GABBR1: variants seen among roughly 807,000 people sequenced by gnomAD.
The protein encoded by GABBR1 is GABA-B receptor, R1 subunit.
A neutral mutation model predicts 117.7 loss-of-function variants in GABBR1; 35 were observed. The ratio of observed to expected loss-of-function variants is 0.30; its 90% CI spans 0.23 to 0.39. The LOEUF is 0.39. Ranked by LOEUF, GABBR1 falls within the 10% of genes least tolerant of loss-of-function variation. The pLI, the probability that GABBR1 is intolerant of heterozygous loss-of-function variation, is 1.00. For missense variants in GABBR1, 709 were observed against 1,241.8 expected, an observed-to-expected ratio of 0.57 and a Z score of 6.45; for synonymous variants, 442 against 486.6, an observed-to-expected ratio of 0.91 and a Z score of 1.21.
chr6:29,605,697 C>G lies in GABBR1; in HGVS notation c.2312-1G>C. 1 of 1,612,072 alleles carries G rather than the reference C, an allele frequency of 6.2e-7. No individual in the cohort carries two copies. The highest frequency in any genetic ancestry group is 8.5e-7 in the Non-Finnish European group (1 of 1,179,932). ...AGCCCCTTGTAACCATAGAAAATGC[C>G]TAGGATGGCAGGAGAGAGTCACTTG... On this transcript the variant is annotated splice_acceptor_variant, in intron 19 of 22. Transcript: ENST00000377034. LOFTEE classifies it high-confidence loss of function. This position sits in a 1 kb window ranked among gnomAD's most constrained non-coding sequence, Gnocchi z 4.2.
At position 29,609,235 on chromosome 6, in the gene GABBR1, T is replaced by C. The variant is rs1487133433; in HGVS notation, c.1853A>G (p.His618Arg). 1.2e-6 allele frequency: 2 copies of C among 1,612,706 alleles called. No homozygotes were observed. The highest frequency in any genetic ancestry group is 1.3e-5 in the African/African-American group (1 of 74,848). The change falls in exon 15 of 23, where the codon CAT (histidine) becomes CGT (arginine). Residue 618 changes from histidine (H) to arginine (R), a missense_variant. His to Arg is a conservative substitution (Grantham distance 29). Transcript: ENST00000377034. This position sits in a 1 kb window ranked among gnomAD's most constrained non-coding sequence, Gnocchi z 4.3. ...VCLSFNIYNS[H>R]VRYIQNSQPN... ...CGTCAGAAGAGAAACTTACCGGACA[T>C]GTGAGTTGTAGATGTTAAAGGACAG...
chr6:29,603,798 C>A, intron 22 of GABBR1, 82 bp from the exon 23 acceptor site: 1 of 1,104,968 alleles, frequency 9.1e-7, no homozygotes, highest in Non-Finnish European at 1.2e-6. Context: ...AGGAAGGGCA[C>A]AGGGAAAGAG....
chr6:29,606,944 T>C lies in GABBR1; in HGVS notation c.2170A>G (p.Thr724Ala). ...TCCACGATCTGCCAGATGGCGAGAG[T>C]GAGGACATCCATGCCCACCAGCAGG... Reference protein sequence around the residue: ...VGLLVGMDVLTLAIWQIVDPL... With the variant: ...VGLLVGMDVLALAIWQIVDPL... Residue 724 changes from threonine to alanine, a missense_variant, in exon 18 of 23, where the codon ACT becomes GCT. Physicochemically the swap from Thr to Ala is moderately conservative, Grantham distance 58 (BLOSUM62 0). This residue lies in a region of GABBR1 where 251 missense variants were observed against 445.3 expected (regional missense o/e 0.56). Transcript: ENST00000377034. This position sits in a 1 kb window ranked among gnomAD's most constrained non-coding sequence, Gnocchi z 4.5. 3 of 1,614,000 alleles carry C rather than the reference T, an allele frequency of 1.9e-6. No individual in the cohort carries two copies. The South Asian group carries it at 3.3e-5, about 18-fold the overall frequency.
Position 29,606,406 on chromosome 6 carries a change from T to C in GABBR1, c.2296A>G (p.Met766Val), listed in dbSNP as rs754443661. The C allele has an allele frequency of 6.2e-7, 1 of 1,612,208 alleles. No homozygotes were observed. Among genetic ancestry groups the C allele is most frequent in the African/African-American group, 1.3e-5 (1 of 75,010 alleles). Residue 766 changes from methionine (M) to valine (V), a missense_variant, in exon 19 of 23, where the codon ATG becomes GTG. Around this residue, in one of 9 missense-constraint regions of GABBR1, gnomAD observed 251 missense variants for 445.3 expected, o/e 0.56. Transcript: ENST00000377034. This position sits in a 1 kb window ranked among gnomAD's most constrained non-coding sequence, Gnocchi z 4.5. ...PQLEHCSSRK[M>V]NTWLGIFYGY... ...TCCCACACACCAAGCCATGTATTCA[T>C]CTTCCTGGAGCTGCAATGCTCCAGC... is the stretch of plus-strand genomic sequence containing the variant.
At chr6:29,612,023 A>T (rs1056492581) in intron 13 of GABBR1, among the ~76,000 whole-genome samples, 4 of 152,126 alleles carry the variant, frequency 2.6e-5, no homozygotes, top group Non-Finnish European at 5.9e-5. Flanking sequence ...TTTCTTTGAG[A>T]CAGAGTCTTA....
At position 29,632,240 on chromosome 6, in the gene GABBR1, G is replaced by C. The variant is rs1765063190; in HGVS notation, c.85+61C>G. On this transcript the variant is annotated intron_variant, in intron 2 of 22. Transcript: ENST00000377034. The surrounding 1 kb of genome is among the most constrained non-coding windows in gnomAD (Gnocchi z 5.8). ...GATAGTGATGAGGACCAGAAATGAG[G>C]AGATGCAGGGAAAGGGAAGTGGAGC... The C allele has an allele frequency of 1.0e-6, 1 of 975,528 alleles. No homozygotes were observed. The highest frequency in any genetic ancestry group is 1.4e-6 in the Non-Finnish European group (1 of 697,192). 60.4% of individuals were successfully genotyped at this position (975,528 alleles called of 1,614,324 possible). A position where few individuals can be genotyped will look rare whatever the true frequency, so the allele number is the denominator to read the frequency against.
Position 29,605,803 on chromosome 6 carries a change from CT to C in GABBR1, c.2312-108del. ...CCTACTCTGAAATGGAAAGGGGGCC[CT>C]CCTCTCCAATCCAACCCCTCTGACC... On this transcript the variant is annotated intron_variant, in intron 19 of 22. Coordinates refer to ENST00000377034, the MANE Select transcript of GABBR1 (RefSeq NM_001470.4). The surrounding 1 kb of genome is among the most constrained non-coding windows in gnomAD (Gnocchi z 4.2). 3 of 1,376,808 alleles carry C rather than the reference CT, an allele frequency of 2.2e-6. No individual in the cohort carries two copies. Among genetic ancestry groups the C allele is most frequent in the South Asian group, 1.3e-5 (1 of 74,480 alleles). 85.3% of individuals were successfully genotyped at this position (1,376,808 alleles called of 1,614,324 possible).
chr6:29,627,380 G>T lies in GABBR1; in HGVS notation c.657+106C>A. 1 of 1,176,590 alleles carries T rather than the reference G, an allele frequency of 8.5e-7. No individual in the cohort carries two copies. The allele number at this position is 1,176,590 out of a possible 1,614,324, so 72.9% of individuals were successfully genotyped here. ...TGCCAGTCACACAAGGGAGGGGTCT[G>T]CCTCGCAATCCCAGAGACGACTCAG... On this transcript the variant is annotated intron_variant, in intron 6 of 22. Coordinates refer to ENST00000377034, the MANE Select transcript of GABBR1 (RefSeq NM_001470.4). This position sits in a 1 kb window ranked among gnomAD's most constrained non-coding sequence, Gnocchi z 4.4.
intron 11 of GABBR1, among the ~76,000 whole-genome samples, chr6:29,619,992 C>T (rs1763587935): frequency 6.6e-6 from 1 of 152,216 alleles, no homozygotes; most frequent in Non-Finnish European, 1.5e-5. Context: ...TTCTCCTTTG[C>T]TCAGCAATTG....
chr6:29,610,673 TCCCC>T (rs1762448067), intron 14 of GABBR1, among the ~76,000 whole-genome samples: 1 of 150,884 alleles, frequency 6.6e-6, no homozygotes, highest in African/African-American at 2.4e-5. Context: ...CTGCCTCTAA[TCCCC>T]AGTTACCCCA....
rs29220 is a variant in GABBR1 at position 29,621,889 on chromosome 6, C to G, written c.1066-72G>C. On this transcript the variant is annotated intron_variant, in intron 9 of 22. Transcript: ENST00000377034. The surrounding 1 kb of genome is among the most constrained non-coding windows in gnomAD (Gnocchi z 5.0). ...TGAGGGGCTAAGCCAGATGTCTTCA[C>G]AGCTTTGATTTCCCATCCCAAAGTG... 0.28 allele frequency: 414,828 copies of G among 1,483,088 alleles called. 60,706 individuals carry two copies. Among genetic ancestry groups the G allele is most frequent in the East Asian group, 0.39 (17,252 of 44,058 alleles). 91.9% of individuals were successfully genotyped at this position (1,483,088 alleles called of 1,614,324 possible). A position where few individuals can be genotyped will look rare whatever the true frequency, so the allele number is the denominator to read the frequency against.
In GABBR1 at chr6:29,630,323, CT is replaced by C. The variant is rs1363984755; in HGVS notation, c.475+134del. ...AGGCAGGTGATGGAGGAAAAAGGGA[CT>C]TTCATCTCCCCTTTCCAGTGTCCTC... is the stretch of plus-strand genomic sequence containing the variant. On this transcript the variant is annotated intron_variant, in intron 4 of 22. Coordinates refer to ENST00000377034, the MANE Select transcript of GABBR1 (RefSeq NM_001470.4). The surrounding 1 kb of genome is among the most constrained non-coding windows in gnomAD (Gnocchi z 4.9). The C allele has an allele frequency of 9.3e-6, 7 of 751,322 alleles. No individual in the cohort carries two copies. The highest frequency in any genetic ancestry group is 4.2e-6 in the Non-Finnish European group (2 of 471,478). 46.5% of individuals were successfully genotyped at this position (751,322 alleles called of 1,614,324 possible).
chr6:29,621,039 C>A lies in GABBR1; in HGVS notation c.1323+62G>T. 2.0e-6 allele frequency: 3 copies of A among 1,472,750 alleles called. No individual in the cohort carries two copies. The highest frequency in any genetic ancestry group is 2.5e-5 in the South Asian group (2 of 80,540). 91.2% of individuals were successfully genotyped at this position (1,472,750 alleles called of 1,614,324 possible). A position where few individuals can be genotyped will look rare whatever the true frequency, so the allele number is the denominator to read the frequency against. On this transcript the variant is annotated intron_variant, in intron 11 of 22. Coordinates refer to ENST00000377034, the MANE Select transcript of GABBR1 (RefSeq NM_001470.4). This position sits in a 1 kb window ranked among gnomAD's most constrained non-coding sequence, Gnocchi z 5.0. ...CCTCTCCCTGCCACCCTTTCCCCTG[C>A]AAGGCCCCCTCAGTCCTCTCCACCC...
At chr6:29,616,145 G>A (rs1763073678) in intron 11 of GABBR1, among the ~76,000 whole-genome samples, 1 of 152,030 alleles carries the variant, frequency 6.6e-6, no homozygotes, top group Non-Finnish European at 1.5e-5. Context: ...AGGTTGCTGT[G>A]AGCCAAGATC....
Position 29,622,019 on chromosome 6 carries a change from C to T in GABBR1, c.1065+85G>A. On this transcript the variant is annotated intron_variant, in intron 9 of 22. Coordinates refer to ENST00000377034, the MANE Select transcript of GABBR1 (RefSeq NM_001470.4). This position sits in a 1 kb window ranked among gnomAD's most constrained non-coding sequence, Gnocchi z 4.6. Reference sequence around the variant, plus strand: ...TTGCCTCAGAGAATCAAAACCTGCCCCCGCCTGGCTTTCCTCTCCAACCAG... The same window carrying T: ...TTGCCTCAGAGAATCAAAACCTGCCTCCGCCTGGCTTTCCTCTCCAACCAG... The T allele has an allele frequency of 1.6e-6, 2 of 1,265,846 alleles. No individual in the cohort carries two copies. The highest frequency in any genetic ancestry group is 2.3e-6 in the Non-Finnish European group (2 of 873,076). The allele number at this position is 1,265,846 out of a possible 1,614,324, so 78.4% of individuals were successfully genotyped here. A position where few individuals can be genotyped will look rare whatever the true frequency, so the allele number is the denominator to read the frequency against.
chr6:29,632,422 C>T lies in GABBR1; in HGVS notation c.1-37G>A. 7.5e-7 allele frequency: 1 copy of T among 1,327,746 alleles called. No individual in the cohort carries two copies. Among genetic ancestry groups the T allele is most frequent in the Non-Finnish European group, 9.7e-7 (1 of 1,028,174 alleles). 82.2% of individuals were successfully genotyped at this position (1,327,746 alleles called of 1,614,324 possible). On this transcript the variant is annotated intron_variant, in intron 1 of 22. Coordinates refer to ENST00000377034, the MANE Select transcript of GABBR1 (RefSeq NM_001470.4). The surrounding 1 kb of genome is among the most constrained non-coding windows in gnomAD (Gnocchi z 5.8). ...GCGGCCATGAGGACTGGACCGAGCC[C>T]CGCCGGCGCGGCCCGCACCCGGAGA...
rs781027081 is a variant in GABBR1 at position 29,622,993 on chromosome 6, G to A, written c.963+312C>T. Among the ~76,000 whole-genome samples, 1 of 148,290 alleles carries A rather than the reference G, an allele frequency of 6.7e-6. No homozygotes were observed. The highest frequency in any genetic ancestry group is 2.5e-5 in the African/African-American group (1 of 39,762). ...CTTCCTGGATTCCTATCTCATCTTC[G>A]CTCCCATCTCTTGCCCCCACTTTGG... On this transcript the variant is annotated intron_variant, in intron 8 of 22. Transcript: ENST00000377034. The surrounding 1 kb of genome is among the most constrained non-coding windows in gnomAD (Gnocchi z 4.6).
At position 29,605,063 on chromosome 6, in the gene GABBR1, A is replaced by G. The variant is rs1761810116; in HGVS notation, c.2440-75T>C. 6.9e-7 allele frequency: 1 copy of G among 1,454,328 alleles called. No individual in the cohort carries two copies. Among genetic ancestry groups the G allele is most frequent in the Admixed American group, 2.5e-5 (1 of 40,520 alleles). 90.1% of individuals were successfully genotyped at this position (1,454,328 alleles called of 1,614,324 possible). A position where few individuals can be genotyped will look rare whatever the true frequency, so the allele number is the denominator to read the frequency against. ...AGATCCAGAGTTTACTTCCCATGGG[A>G]GGGAGTCTATGCAGACAGTTTCCTG... is the stretch of plus-strand genomic sequence containing the variant. On this transcript the variant is annotated intron_variant, in intron 20 of 22. Transcript: ENST00000377034. The surrounding 1 kb of genome is among the most constrained non-coding windows in gnomAD (Gnocchi z 4.2).
At position 29,604,632 on chromosome 6, in the gene GABBR1, G is replaced by C. The variant is rs539857403; in HGVS notation, c.2574C>G (p.Arg858=). Residue 858 remains arginine, a synonymous_variant, in exon 22 of 23, where the codon CGC becomes CGG. Coordinates refer to ENST00000377034, the MANE Select transcript of GABBR1 (RefSeq NM_001470.4). The surrounding 1 kb of genome is among the most constrained non-coding windows in gnomAD (Gnocchi z 5.3). ...GCCATTCCCCTCGGGTGATCAGCCTGCGCATCTGGGGGCAAATGTTTGGGC... is the reference window on the plus strand; with the variant it reads ...GCCATTCCCCTCGGGTGATCAGCCTCCGCATCTGGGGGCAAATGTTTGGGC... ...TLVVLFVPKM[R]RLITRGEWQS... 1.2e-6 allele frequency: 2 copies of C among 1,613,250 alleles called. No homozygotes were observed. The highest frequency in any genetic ancestry group is 3.3e-5 in the Admixed American group (2 of 60,032).
Sources: gnomAD v4.1 joint callset for allele counts (sites outside exome capture counted in the v4.1 genomes callset) on GRCh38, gnomAD v4.1.1 for gene constraint, gnomAD v4.1.1 regional missense constraint, Gnocchi (gnomAD v3.1) non-coding constraint, MANE v1.5 for transcripts, NCBI Gene and HGNC (gene_info 2026-07-23, HGNC 2026-07-21) for gene names.